The following CHD6 variants were observed in gnomAD, a reference collection of about 807,000 sequenced individuals.
The protein encoded by CHD6 is ATP-dependent chromatin remodeler CHD6.
Under a neutral mutation model 276.9 loss-of-function variants are expected in CHD6, and 50 were observed. That is an observed-to-expected ratio of 0.18 (90% CI 0.14 to 0.23). CHD6 has a LOEUF of 0.23. Among genes scored for constraint, CHD6 ranks in the 10% least tolerant of loss-of-function variants. The pLI, the probability that CHD6 is intolerant of heterozygous loss-of-function variation, is 1.00. For synonymous variants in CHD6, 1,173 were observed against 1,229.3 expected (o/e 0.95, Z 0.96); for missense variants, 2,564 against 3,365.8 (o/e 0.76, Z 5.89).
rs1341253246 is a variant in CHD6, at chr20:41,402,197, T to C, written c.*2396A>G. 3 of 216,162 alleles carry C rather than the reference T, an allele frequency of 1.4e-5. No individual in the cohort carries two copies. Among genetic ancestry groups the C allele is most frequent in the Non-Finnish European group, 2.8e-5 (3 of 107,358 alleles). The allele number at this position is 216,162 out of a possible 1,614,324, so 13.4% of individuals were successfully genotyped here. On this transcript the variant is annotated 3_prime_UTR_variant, in exon 37 of 37. Coordinates refer to ENST00000373233, the MANE Select transcript of CHD6 (RefSeq NM_032221.5). The stretch of plus-strand genomic sequence containing the variant: ...AGTTATGGCCGTGAGTGACATGGAA[T>C]TAGATGAAAAGGCTCAAGTTTGCTG...
At chr20:41,497,157 G>A in intron 8 of CHD6, 1 of 495,586 alleles carries the variant, frequency 2.0e-6, no homozygotes, top group Non-Finnish European at 3.7e-6. Flanking sequence ...AGACCAAGAT[G>A]CACGCCGTTA....
intron 4 of CHD6, 106 bp from the exon 5 acceptor site, chr20:41,513,101 T>G: frequency 8.1e-7 from 1 of 1,234,376 alleles, no homozygotes. Context: ...AGTGCTTTCT[T>G]GCCTTACAAA....
rs550737505 is a variant in CHD6 at position 41,514,975 on chromosome 20, A to G, written c.555-23T>C. The G allele has an allele frequency of 3.5e-4, 572 of 1,612,686 alleles. 1 individual carries two copies. The highest frequency in any genetic ancestry group is 4.4e-4 in the Non-Finnish European group (524 of 1,179,386). On this transcript the variant is annotated intron_variant, in intron 3 of 36. Transcript: ENST00000373233. ...TTGCTACAAGGAGAAATTCAGAATT[A>G]AAACTGTTGGGCAGTTTTTAAAACT...
At position 41,454,657 on chromosome 20, in the gene CHD6, G is replaced by T; in HGVS notation, c.3089C>A (p.Ala1030Asp). ...ATTCTTTGCTTCAGTGTCTAGTTCA[G>T]CTATTTTAGCCCATTTCTGCCAAAA... ...PNFWQKWAKI[A>D]ELDTEAKNEK... The change falls in exon 20 of 37, where the codon GCT (alanine) becomes GAT (aspartate). Residue 1030 changes from alanine to aspartate, a missense_variant. Coordinates refer to ENST00000373233, the MANE Select transcript of CHD6 (RefSeq NM_032221.5). 6.2e-7 allele frequency: 1 copy of T among 1,613,602 alleles called. No individual in the cohort carries two copies. The highest frequency in any genetic ancestry group is 8.5e-7 in the Non-Finnish European group (1 of 1,179,732).
chr20:41,452,623 C>T lies in CHD6; in HGVS notation c.3323+117G>A. The T allele has an allele frequency of 2.3e-6, 2 of 888,352 alleles. No individual in the cohort carries two copies. The highest frequency in any genetic ancestry group is 3.5e-6 in the Non-Finnish European group (2 of 571,538). The allele number at this position is 888,352 out of a possible 1,614,324, so 55.0% of individuals were successfully genotyped here. A position where few individuals can be genotyped will look rare whatever the true frequency, so the allele number is the denominator to read the frequency against. On this transcript the variant is annotated intron_variant, in intron 21 of 36. Coordinates refer to ENST00000373233, the MANE Select transcript of CHD6 (RefSeq NM_032221.5). This position sits in a 1 kb window ranked among gnomAD's most constrained non-coding sequence, Gnocchi z 4.2. Reference sequence around the variant, plus strand: ...GTTCTCTCTTGCTCCAACAGATCCCCCTTTGCCCTATAATTCCAAAGGTGA... The same window carrying T: ...GTTCTCTCTTGCTCCAACAGATCCCTCTTTGCCCTATAATTCCAAAGGTGA...
chr20:41,417,104 T>A (rs933388920), intron 32 of CHD6, 94 bp downstream of exon 32: 3 of 1,173,536 alleles, frequency 2.6e-6, no homozygotes, highest in Non-Finnish European at 3.6e-6. Context: ...TTTCTGAGTT[T>A]CTTGTTCAGA....
intron 26 of CHD6, among the ~76,000 whole-genome samples, chr20:41,437,608 T>C (rs746438245): frequency 1.4e-4 from 22 of 152,264 alleles, no homozygotes; most frequent in Non-Finnish European, 2.4e-4. Context: ...ATACAGGGTT[T>C]GGTACTATCT....
chr20:41,589,087 T>C (rs4810324), intron 1 of CHD6, among the ~76,000 whole-genome samples: 20,169 of 151,976 alleles, frequency 0.13, 1,548 homozygotes, highest in South Asian at 0.19. Flanking sequence ...AAACGTAATC[T>C]GGCATATAAA....
At chr20:41,597,719 C>G (rs1330288784) in intron 1 of CHD6, among the ~76,000 whole-genome samples, 1 of 152,066 alleles carries the variant, frequency 6.6e-6, no homozygotes, top group African/African-American at 2.4e-5. Flanking sequence ...CCTAATCTGT[C>G]TATCCTTTTT....
intron 1 of CHD6, among the ~76,000 whole-genome samples, chr20:41,606,674 CA>C (rs10631069): frequency 6.7e-4 from 89 of 132,718 alleles, no homozygotes; most frequent in Middle Eastern, 3.8e-3. Flanking sequence ...GACTCCATCT[CA>C]AAAAAAAAAA....
At chr20:41,513,231 A>G (rs1338528459) in intron 4 of CHD6, among the ~76,000 whole-genome samples, 2 of 152,192 alleles carry the variant, frequency 1.3e-5, no homozygotes, top group African/African-American at 4.8e-5. Context: ...TCCACTAAAA[A>G]GAAGGGGTAG....
chr20:41,555,657 C>T (rs1304237696), intron 1 of CHD6, among the ~76,000 whole-genome samples: 29 of 148,052 alleles, frequency 2.0e-4, no homozygotes, highest in Admixed American at 3.3e-4. Context: ...CCAGACGGGG[C>T]GGCGGGGCAG....
chr20:41,573,199 G>A (rs1002861179), intron 1 of CHD6, among the ~76,000 whole-genome samples: 4 of 152,162 alleles, frequency 2.6e-5, no homozygotes, highest in Admixed American at 2.6e-4. Flanking sequence ...ATGAGCCACT[G>A]CACCAGGCCA....
intron 3 of CHD6, among the ~76,000 whole-genome samples, chr20:41,522,391 C>T (rs1160436946): frequency 4.4e-5 from 2 of 45,710 alleles, no homozygotes; most frequent in East Asian, 8.2e-4. Context: ...TTGTAACCAA[C>T]GTAGAAAAGA....
chr20:41,536,874 C>A (rs1027613306), intron 2 of CHD6, among the ~76,000 whole-genome samples: 2 of 152,076 alleles, frequency 1.3e-5, no homozygotes, highest in Non-Finnish European at 2.9e-5. Flanking sequence ...AGAGAGAGAG[C>A]CTTTCACTCT....
chr20:41,575,301 T>C (rs564380466), intron 1 of CHD6, among the ~76,000 whole-genome samples: 2 of 152,344 alleles, frequency 1.3e-5, no homozygotes, highest in East Asian at 3.9e-4. Context: ...TTCAATTCTT[T>C]CCTTGCTTTG....
chr20:41,545,587 A>C (rs1484968423), intron 2 of CHD6, among the ~76,000 whole-genome samples: 1 of 152,094 alleles, frequency 6.6e-6, no homozygotes, highest in African/African-American at 2.4e-5. Flanking sequence ...CAACTTTGCT[A>C]TTCTTCCTCT....
In CHD6 at chr20:41,514,904, C is replaced by T. The variant is rs780847526; in HGVS notation, c.603G>A (p.Arg201=). The change falls in exon 4 of 37, where the codon AGG becomes AGA. Residue 201 remains arginine, a synonymous_variant. Coordinates refer to ENST00000373233, the MANE Select transcript of CHD6 (RefSeq NM_032221.5). The stretch of plus-strand genomic sequence containing the variant: ...AACTCTCCACTGTAGTTTCACTTTT[C>T]CTTTTTCCTTTCTTCTTTTTCTCCA... ...TPVEKKKKGK[R]KSETTVESLE... The T allele has an allele frequency of 1.2e-6, 2 of 1,614,066 alleles. No individual in the cohort carries two copies. The highest frequency in any genetic ancestry group is 2.2e-5 in the East Asian group (1 of 44,856).
At position 41,406,248 on chromosome 20, in the gene CHD6, C is replaced by T. The variant is rs571617586; in HGVS notation, c.7252-759G>A. On this transcript the variant is annotated intron_variant, in intron 36 of 36. Transcript: ENST00000373233. The stretch of plus-strand genomic sequence containing the variant: ...CCACCAAAATAAGTGGTGGTTCTCC[C>T]TAAGGGAGACCATCTATTTTTTCTC... 4.6e-5 allele frequency among the ~76,000 whole-genome samples: 7 copies of T among 152,322 alleles called. No individual in the cohort carries two copies. The South Asian group carries it at 1.5e-3, about 32-fold the overall frequency.
Sources: allele counts gnomAD v4.1 joint callset (sites outside exome capture counted in the v4.1 genomes callset), GRCh38; gene constraint gnomAD v4.1.1; non-coding constraint Gnocchi (gnomAD v3.1); transcripts MANE v1.5; gene names NCBI Gene and HGNC (gene_info 2026-07-23, HGNC 2026-07-21).